EFCAB6: variants seen among roughly 807,000 people sequenced by gnomAD.
EFCAB6 encodes EF-hand calcium binding domain 6.
A neutral mutation model predicts 169.8 loss-of-function variants in EFCAB6; 156 were observed. The observed-to-expected ratio is 0.92, with a 90% CI of 0.81 to 1.05. EFCAB6 has a LOEUF of 1.05. Ranked by LOEUF, EFCAB6 falls within the 50% of genes least tolerant of loss-of-function variation. EFCAB6 has a pLI of 0.00. For synonymous variants in EFCAB6, 698 were observed against 676.4 expected, an observed-to-expected ratio of 1.03 and a Z score of -0.50; for missense variants, 1,800 against 1,829.1, an observed-to-expected ratio of 0.98 and a Z score of 0.29.
rs1330717853 is a variant in EFCAB6 at position 43,784,553 on chromosome 22, ATATACACATATATATG to A, written c.-7-2244_-7-2229del. On this transcript the variant is annotated intron_variant, in intron 2 of 31. Coordinates refer to ENST00000262726, the MANE Select transcript of EFCAB6 (RefSeq NM_022785.4). ...TGTGTGTGTGTGTGTGTATATGTAT[ATATACACATATATATG>A]TGTACATATACACATATATATGTAT... Among the ~76,000 whole-genome samples the A allele has an allele frequency of 2.6e-3, 257 of 97,150 alleles. 6 individuals carry two copies. The highest frequency in any genetic ancestry group is 5.6e-3 in the South Asian group (16 of 2,870). The allele number at this position is 97,150 out of a possible 152,430, so 63.7% of individuals were successfully genotyped here.
intron 10 of EFCAB6, among the ~76,000 whole-genome samples, chr22:43,688,659 T>C (rs1302917838): frequency 6.6e-6 from 1 of 152,162 alleles, no homozygotes; most frequent in Non-Finnish European, 1.5e-5. Flanking sequence ...CCTAGGAGGG[T>C]TGTGATAAGG....
At position 43,715,863 on chromosome 22, in the gene EFCAB6, C is replaced by T. The variant is rs140205046; in HGVS notation, c.882+985G>A. Reference sequence around the variant, plus strand: ...GTGCTCACTTCTCCAACACCCTTATCGACACTGGCTTTGTGAGTTCCTCCT... The same window carrying T: ...GTGCTCACTTCTCCAACACCCTTATTGACACTGGCTTTGTGAGTTCCTCCT... On this transcript the variant is annotated intron_variant, in intron 9 of 31. Coordinates refer to ENST00000262726, the MANE Select transcript of EFCAB6 (RefSeq NM_022785.4). Among the ~76,000 whole-genome samples the T allele has an allele frequency of 1.6e-3, 246 of 152,306 alleles. 1 individual carries two copies. Among genetic ancestry groups the T allele is most frequent in the African/African-American group, 5.3e-3 (222 of 41,568 alleles).
intron 26 of EFCAB6, among the ~76,000 whole-genome samples, chr22:43,574,793 T>A (rs888235776): frequency 3.9e-5 from 6 of 152,150 alleles, no homozygotes; most frequent in African/African-American, 1.4e-4. Flanking sequence ...CAACGAGACC[T>A]GAATAGTTGA....
chr22:43,677,385 C>T (rs1162284943), intron 13 of EFCAB6, among the ~76,000 whole-genome samples: 2 of 152,136 alleles, frequency 1.3e-5, no homozygotes, highest in Non-Finnish European at 2.9e-5. Flanking sequence ...CGGTGGCTCA[C>T]GCCTGTAATC....
intron 26 of EFCAB6, among the ~76,000 whole-genome samples, chr22:43,574,346 A>C (rs2050094974): frequency 6.6e-6 from 1 of 151,882 alleles, no homozygotes; most frequent in Non-Finnish European, 1.5e-5. Context: ...AGGGTAGTGC[A>C]TAGAAAGAAC....
In EFCAB6 at chr22:43,667,093, C is replaced by T. The variant is rs1023738851; in HGVS notation, c.1983+11G>A. ...TGCAGGATAGAAACAAAGAGAAACC[C>T]ATTCTCCTACCTTCTTAAAGTCATG... On this transcript the variant is annotated intron_variant, in intron 17 of 31. Coordinates refer to ENST00000262726, the MANE Select transcript of EFCAB6 (RefSeq NM_022785.4). The T allele has an allele frequency of 1.9e-6, 3 of 1,609,668 alleles. No homozygotes were observed. The African/African-American group carries it at 4.0e-5, about 22-fold the overall frequency.
At position 43,628,100 on chromosome 22, in the gene EFCAB6, C is replaced by T. The variant is rs1429322937; in HGVS notation, c.2233-1421G>A. Among the ~76,000 whole-genome samples, 1 of 152,006 alleles carries T rather than the reference C, an allele frequency of 6.6e-6. No individual in the cohort carries two copies. Among genetic ancestry groups the T allele is most frequent in the Non-Finnish European group, 1.5e-5 (1 of 67,976 alleles). On this transcript the variant is annotated intron_variant, in intron 19 of 31. Coordinates refer to ENST00000262726, the MANE Select transcript of EFCAB6 (RefSeq NM_022785.4). The surrounding 1 kb of genome is among the most constrained non-coding windows in gnomAD (Gnocchi z 4.8). ...AGCCGCCACCCCCCTGACCCACAGC[C>T]TCACATCTCCAGTGGTCTGGGGGCA...
At chr22:43,570,188 T>C (rs1019477723) in intron 26 of EFCAB6, 4 of 152,186 alleles carry the variant, frequency 2.6e-5, no homozygotes, top group Non-Finnish European at 5.9e-5. Context: ...GATTGTATAT[T>C]TCCACGCAAA....
At chr22:43,736,651 A>G (rs2060150978) in intron 6 of EFCAB6, among the ~76,000 whole-genome samples, 1 of 152,074 alleles carries the variant, frequency 6.6e-6, no homozygotes, top group East Asian at 1.9e-4. Context: ...GACGCACACA[A>G]TGTTAGGATA....
chr22:43,811,326 GGGAGGGGAGGAGAGA>G (rs1248465935), intron 1 of EFCAB6, among the ~76,000 whole-genome samples: 2 of 135,978 alleles, frequency 1.5e-5, no homozygotes, highest in East Asian at 2.3e-4. Context: ...GGAGGGGAAG[GGGAGGGGAGGAGAGA>G]GGAGGGGAGG....
intron 20 of EFCAB6, among the ~76,000 whole-genome samples, chr22:43,616,817 G>T (rs191229932): frequency 5.3e-5 from 8 of 152,144 alleles, no homozygotes; most frequent in African/African-American, 1.9e-4. Context: ...ATCTTTCCAC[G>T]CACTAGAACA....
intron 21 of EFCAB6, among the ~76,000 whole-genome samples, chr22:43,611,476 T>G (rs2053295475): frequency 6.6e-6 from 1 of 152,196 alleles, no homozygotes; most frequent in African/African-American, 2.4e-5. Context: ...AATGGCATTC[T>G]TCGTAGAGCT....
intron 27 of EFCAB6, among the ~76,000 whole-genome samples, chr22:43,541,371 C>T (rs1009201724): frequency 6.6e-6 from 1 of 152,156 alleles, no homozygotes; most frequent in African/African-American, 2.4e-5. Flanking sequence ...ACAAGGTTCT[C>T]AATTTATCTT....
chr22:43,552,265 C>CCT (rs1416477646), intron 27 of EFCAB6: 1 of 152,102 alleles, frequency 6.6e-6, no homozygotes, highest in Non-Finnish European at 1.5e-5. Flanking sequence ...AATGTACATA[C>CCT]GTGTGTGTAT....
chr22:43,738,824 CCCA>C (rs1879246178), intron 6 of EFCAB6, among the ~76,000 whole-genome samples: 1 of 152,152 alleles, frequency 6.6e-6, no homozygotes, highest in Admixed American at 6.5e-5. Context: ...ATTCCCATTC[CCCA>C]CACCCACTTG....
At chr22:43,580,353 G>C (rs1468825185) in intron 25 of EFCAB6, 111 bp downstream of exon 25, 4 of 1,171,750 alleles carry the variant, frequency 3.4e-6, no homozygotes, top group Non-Finnish European at 4.8e-6. Flanking sequence ...TGGTTAACTA[G>C]ACACCCCAAG....
rs1302595082 is a variant in EFCAB6, at chr22:43,540,262, T to G, written c.3744A>C (p.Thr1248=). The stretch of plus-strand genomic sequence containing the variant: ...CGGCCGAGTCACCAGTGGCCATTGG[T>G]GTGGCTGCTGTCTCGGAACTGAACC... The part of the protein sequence containing the change: ...LSRFSSETAA[T]PMATGDSAVA... The change falls in exon 28 of 32, where the codon ACA becomes ACC. Residue 1248 remains threonine, a synonymous_variant. Transcript: ENST00000262726. The G allele has an allele frequency of 6.2e-7, 1 of 1,614,232 alleles. No homozygotes were observed. The highest frequency in any genetic ancestry group is 8.5e-7 in the Non-Finnish European group (1 of 1,180,024).
At chr22:43,570,128 G>C (rs946824354) in intron 26 of EFCAB6, 6 of 151,982 alleles carry the variant, frequency 3.9e-5, no homozygotes, top group African/African-American at 7.2e-5. Context: ...TTCTCTCTTG[G>C]AACAAAAAAC....
intron 17 of EFCAB6, among the ~76,000 whole-genome samples, 153 bp downstream of exon 17, chr22:43,666,951 G>A (rs1180291187): frequency 7.2e-6 from 1 of 138,024 alleles, no homozygotes; most frequent in Non-Finnish European, 1.6e-5. Context: ...ACAATTTTTT[G>A]GCCAAAAAAA....
Sources: allele counts gnomAD v4.1 joint callset (sites outside exome capture counted in the v4.1 genomes callset), GRCh38; gene constraint gnomAD v4.1.1; non-coding constraint Gnocchi (gnomAD v3.1); transcripts MANE v1.5; gene names NCBI Gene and HGNC (gene_info 2026-07-23, HGNC 2026-07-21).